The following KIF3B variants were observed in gnomAD, a reference collection of about 807,000 sequenced individuals.
The protein encoded by KIF3B is kinesin-like protein KIF3B.
KIF3B carries 38 observed loss-of-function variants against 74.3 expected under a neutral mutation model. The ratio of observed to expected loss-of-function variants is 0.51; its 90% CI spans 0.39 to 0.67. KIF3B has a LOEUF of 0.67. KIF3B is among the 30% of genes least tolerant of loss of function. The pLI, the probability that KIF3B is intolerant of heterozygous loss-of-function variation, is 0.00. For synonymous variants in KIF3B, 326 were observed against 342.5 expected, an observed-to-expected ratio of 0.95 and a Z score of 0.53; for missense variants, 649 against 932.0, an observed-to-expected ratio of 0.70 and a Z score of 3.95.
At chr20:32,301,099 T>G (rs191438038) in intron 1 of KIF3B, among the ~76,000 whole-genome samples, 1,990 of 145,816 alleles carry the variant, frequency 0.014, 41 homozygotes, top group African/African-American at 0.046. Context: ...TTTTTTTTTT[T>G]TTTTTTTTGA....
intron 1 of KIF3B, among the ~76,000 whole-genome samples, chr20:32,290,340 G>A (rs1265276316): frequency 6.6e-6 from 1 of 152,016 alleles, no homozygotes; most frequent in African/African-American, 2.4e-5. Context: ...CCGAGATCAC[G>A]CCACTACACT....
intron 2 of KIF3B, 51 bp from the exon 3 acceptor site, chr20:32,316,167 G>T: frequency 9.3e-7 from 1 of 1,076,000 alleles, no homozygotes. Flanking sequence ...GAGGAATTAT[G>T]TTCTGAGAGA....
intron 5 of KIF3B, among the ~76,000 whole-genome samples, chr20:32,322,780 T>TTATTTA (rs1569207870): frequency 1.4e-4 from 8 of 58,074 alleles, no homozygotes; most frequent in East Asian, 1.2e-3. Context: ...ATATATATAT[T>TTATTTA]TATATATATT....
chr20:32,306,716 T>C (rs1166297097), intron 1 of KIF3B, among the ~76,000 whole-genome samples: 3 of 146,454 alleles, frequency 2.0e-5, no homozygotes, highest in African/African-American at 5.0e-5. Context: ...TGTCTCAGCC[T>C]CCCAAGTAGC....
At chr20:32,327,521 C>A in intron 6 of KIF3B, 35 bp from the exon 7 acceptor site, 1 of 1,583,156 alleles carries the variant, frequency 6.3e-7, no homozygotes, top group Admixed American at 1.7e-5. Flanking sequence ...CCACAGGACT[C>A]CAGCCAGGGC....
intron 1 of KIF3B, among the ~76,000 whole-genome samples, chr20:32,299,314 C>G (rs961637528): frequency 7.0e-6 from 1 of 143,170 alleles, no homozygotes; most frequent in Admixed American, 7.1e-5. Context: ...GTATCCTGGA[C>G]TGTAATTTGC....
chr20:32,307,354 T>A (rs1013650486), intron 1 of KIF3B, among the ~76,000 whole-genome samples: 8 of 152,206 alleles, frequency 5.3e-5, no homozygotes, highest in Non-Finnish European at 1.2e-4. Context: ...TGGTATAGGA[T>A]TACATTTAGA....
intron 1 of KIF3B, among the ~76,000 whole-genome samples, chr20:32,306,348 A>G (rs1236072734): frequency 6.6e-6 from 1 of 151,946 alleles, no homozygotes; most frequent in Non-Finnish European, 1.5e-5. Flanking sequence ...GTGAGCCAAG[A>G]TCACACCACT....
intron 1 of KIF3B, among the ~76,000 whole-genome samples, chr20:32,279,060 A>C (rs1349016912): frequency 6.6e-6 from 1 of 150,964 alleles, no homozygotes; most frequent in Non-Finnish European, 1.5e-5. Context: ...AGTAGCTGGG[A>C]CTACAGATGT....
At chr20:32,305,299 G>A (rs1451798702) in intron 1 of KIF3B, among the ~76,000 whole-genome samples, 3 of 152,050 alleles carry the variant, frequency 2.0e-5, no homozygotes, top group Non-Finnish European at 4.4e-5. Context: ...GGGAGGTCAA[G>A]GCTGCAGTGA....
rs146308289 is a variant in KIF3B at position 32,292,016 on chromosome 20, C to G, written c.-66+14251C>G. 4.4e-3 allele frequency among the ~76,000 whole-genome samples: 674 copies of G among 152,130 alleles called. 6 individuals carry two copies. The highest frequency in any genetic ancestry group is 0.015 in the African/African-American group (618 of 41,506). ...TGCTGCCTCAAACTCTTAGGCGGCT[C>G]AAGCAAACTCCTGGGCTCAAGTGAT... On this transcript the variant is annotated intron_variant, in intron 1 of 8. Transcript: ENST00000375712.
intron 5 of KIF3B, among the ~76,000 whole-genome samples, chr20:32,321,628 T>C (rs1309939795): frequency 6.6e-6 from 1 of 152,156 alleles, no homozygotes; most frequent in Non-Finnish European, 1.5e-5. Context: ...GTTTTGACTG[T>C]TCAGGGTCCC....
chr20:32,289,739 G>A (rs1021871212), intron 1 of KIF3B, among the ~76,000 whole-genome samples: 1 of 152,178 alleles, frequency 6.6e-6, no homozygotes, highest in African/African-American at 2.4e-5. Context: ...AAAACGTTAA[G>A]TAAATAATAG....
At position 32,334,241 on chromosome 20, in the gene KIF3B, C is replaced by G. The variant is rs1271946514; in HGVS notation, c.*2922C>G. Reference sequence around the variant, plus strand: ...CTTCATATTTTCAAGTCACATGTCTCTCAGACCCCTGGATTCAGAACCCAA... The same window carrying G: ...CTTCATATTTTCAAGTCACATGTCTGTCAGACCCCTGGATTCAGAACCCAA... On this transcript the variant is annotated 3_prime_UTR_variant, in exon 9 of 9. Coordinates refer to ENST00000375712, the MANE Select transcript of KIF3B (RefSeq NM_004798.4). 6.5e-6 allele frequency: 1 copy of G among 152,764 alleles called. No homozygotes were observed. The highest frequency in any genetic ancestry group is 1.5e-5 in the Non-Finnish European group (1 of 68,160). The allele number at this position is 152,764 out of a possible 1,614,324, so 9.5% of individuals were successfully genotyped here. A position where few individuals can be genotyped will look rare whatever the true frequency, so the allele number is the denominator to read the frequency against.
intron 5 of KIF3B, among the ~76,000 whole-genome samples, chr20:32,325,115 A>G (rs1315346632): frequency 1.3e-5 from 2 of 152,162 alleles, no homozygotes; most frequent in African/African-American, 4.8e-5. Context: ...TCAGGACAAA[A>G]TATACCAACA....
At chr20:32,291,438 C>G (rs1362937723) in intron 1 of KIF3B, among the ~76,000 whole-genome samples, 1 of 152,034 alleles carries the variant, frequency 6.6e-6, no homozygotes, top group African/African-American at 2.4e-5. Context: ...CTATAACCTT[C>G]CATGCACCCC....
intron 1 of KIF3B, among the ~76,000 whole-genome samples, chr20:32,291,422 T>C (rs996997878): frequency 6.6e-6 from 1 of 152,096 alleles, no homozygotes; most frequent in Non-Finnish European, 1.5e-5. Context: ...GGCAATCCTA[T>C]TTTACCTATA....
chr20:32,302,979 C>G (rs1250824889), intron 1 of KIF3B, among the ~76,000 whole-genome samples: 2 of 152,158 alleles, frequency 1.3e-5, no homozygotes, highest in African/African-American at 4.8e-5. Context: ...TTTCTTTAAA[C>G]ATTATGAGAT....
intron 1 of KIF3B, among the ~76,000 whole-genome samples, chr20:32,287,253 C>T (rs1388517470): frequency 1.3e-5 from 2 of 151,092 alleles, no homozygotes; most frequent in Non-Finnish European, 2.9e-5. Context: ...TAGGCTCAAG[C>T]GATCCTCCTG....
Sources: allele counts gnomAD v4.1 joint callset (sites outside exome capture counted in the v4.1 genomes callset), GRCh38; gene constraint gnomAD v4.1.1; transcripts MANE v1.5; gene names NCBI Gene and HGNC (gene_info 2026-07-23, HGNC 2026-07-21).